WDR72: variants seen among roughly 807,000 people sequenced by gnomAD.
WDR72 encodes the protein WD repeat-containing protein 72.
Under a neutral mutation model 124.2 loss-of-function variants are expected in WDR72, and 120 were observed. The observed-to-expected ratio is 0.97, with a 90% CI of 0.83 to 1.12. The LOEUF (loss-of-function observed/expected upper bound fraction) is 1.12, where lower values mean the gene tolerates loss of function less well. Among genes scored for constraint, WDR72 ranks in the 50% most tolerant of loss-of-function variants. WDR72 has a pLI of 0.00. For missense variants in WDR72, 1,387 were observed against 1,278.8 expected, an observed-to-expected ratio of 1.08 and a Z score of -1.29; for synonymous variants, 452 against 441.7, an observed-to-expected ratio of 1.02 and a Z score of -0.29.
chr15:53,730,738 G>A (rs1417509877), intron 2 of WDR72, among the ~76,000 whole-genome samples: 7 of 151,854 alleles, frequency 4.6e-5, no homozygotes. Flanking sequence ...CTGTCCTCAA[G>A]GACTCCTTTT....
At chr15:53,552,818 G>T (rs868822560) in intron 18 of WDR72, among the ~76,000 whole-genome samples, 7 of 151,986 alleles carry the variant, frequency 4.6e-5, no homozygotes, top group African/African-American at 1.7e-4. Flanking sequence ...AGTCAACATC[G>T]AATGCCATTT....
At chr15:53,733,978 G>A (rs180910521) in intron 1 of WDR72, among the ~76,000 whole-genome samples, 74 of 152,242 alleles carry the variant, frequency 4.9e-4, no homozygotes, top group African/African-American at 1.6e-3. Context: ...AAAAATGTCC[G>A]AAAGAGAGGA....
chr15:53,562,568 G>C lies in WDR72; in HGVS notation c.3148+34511C>G, dbSNP rs967563412. On this transcript the variant is annotated intron_variant, in intron 18 of 19. Transcript: ENST00000360509. ...CTAGATTAGTTGTGATGGCTCTTAT[G>C]ATGTTACCTGCCTTCATTACAAATT... Among the ~76,000 whole-genome samples, 14 of 151,724 alleles carry C rather than the reference G, an allele frequency of 9.2e-5. 1 individual carries two copies. The highest frequency in any genetic ancestry group is 3.0e-5 in the Non-Finnish European group (2 of 67,790).
At chr15:53,717,274 A>G (rs1453162717) in intron 3 of WDR72, among the ~76,000 whole-genome samples, 1 of 152,218 alleles carries the variant, frequency 6.6e-6, no homozygotes, top group Admixed American at 6.5e-5. Context: ...GTTTTAAAAT[A>G]CAAAGTACAC....
intron 14 of WDR72, among the ~76,000 whole-genome samples, chr15:53,626,594 G>T (rs979953675): frequency 1.3e-5 from 2 of 152,190 alleles, no homozygotes; most frequent in Non-Finnish European, 2.9e-5. Context: ...GGACCCAAAG[G>T]GGGTTGCAGT....
At chr15:53,628,419 C>T (rs1414673370) in intron 14 of WDR72, among the ~76,000 whole-genome samples, 1 of 152,118 alleles carries the variant, frequency 6.6e-6, no homozygotes, top group African/African-American at 2.4e-5. Context: ...AAAAAGTTGA[C>T]ACCCATGTAT....
At chr15:53,557,167 C>T (rs1340413402) in intron 18 of WDR72, among the ~76,000 whole-genome samples, 5 of 152,060 alleles carry the variant, frequency 3.3e-5, no homozygotes, top group African/African-American at 4.8e-5. Context: ...GGAGGCCAAC[C>T]AGCAGTGCCA....
At chr15:53,586,470 C>G (rs560375987) in intron 18 of WDR72, among the ~76,000 whole-genome samples, 1 of 152,178 alleles carries the variant, frequency 6.6e-6, no homozygotes, top group African/African-American at 2.4e-5. Flanking sequence ...CCATTATTCT[C>G]ACTTCTAGTT....
At chr15:53,550,934 T>G (rs1360299598) in intron 18 of WDR72, among the ~76,000 whole-genome samples, 1 of 152,026 alleles carries the variant, frequency 6.6e-6, no homozygotes, top group Admixed American at 6.6e-5. Context: ...GATTATTAAT[T>G]AAAAAAGAAA....
At chr15:53,525,074 G>A (rs1446369569) in intron 18 of WDR72, among the ~76,000 whole-genome samples, 1 of 152,056 alleles carries the variant, frequency 6.6e-6, no homozygotes, top group East Asian at 1.9e-4. Flanking sequence ...TGGAAGGAGA[G>A]GATGTGTGGC....
intron 14 of WDR72, among the ~76,000 whole-genome samples, chr15:53,627,723 G>A (rs2014267131): frequency 6.7e-6 from 1 of 149,034 alleles, no homozygotes; most frequent in South Asian, 2.1e-4. Context: ...GACATATTGT[G>A]AACCATACTA....
chr15:53,617,221 A>T (rs2140370240), intron 14 of WDR72, among the ~76,000 whole-genome samples: 1 of 151,972 alleles, frequency 6.6e-6, no homozygotes, highest in East Asian at 1.9e-4. Context: ...GGTATTTAAA[A>T]ATTTGACACA....
chr15:53,573,718 G>T lies in WDR72; in HGVS notation c.3148+23361C>A, dbSNP rs184811116. 2.8e-3 allele frequency among the ~76,000 whole-genome samples: 420 copies of T among 152,144 alleles called. 1 individual carries two copies. Among genetic ancestry groups the T allele is most frequent in the African/African-American group, 9.6e-3 (400 of 41,546 alleles). ...GCACCACCACACCTAGCTAATTTTT[G>T]TATTTTTAGCAGAGATGGGATTTCG... On this transcript the variant is annotated intron_variant, in intron 18 of 19. Coordinates refer to ENST00000360509, the MANE Select transcript of WDR72 (RefSeq NM_182758.4).
chr15:53,604,386 T>A (rs1458669110), intron 17 of WDR72, among the ~76,000 whole-genome samples: 4 of 152,118 alleles, frequency 2.6e-5, no homozygotes, highest in Non-Finnish European at 5.9e-5. Flanking sequence ...CCCTGGAAGA[T>A]AACCTAAGCA....
At position 53,722,900 on chromosome 15, in the gene WDR72, C is replaced by T. The variant is rs545775155; in HGVS notation, c.162G>A (p.Ala54=). Residue 54 remains alanine, a synonymous_variant, in exon 3 of 20, where the codon GCG becomes GCA. Transcript: ENST00000360509. ...WNLSHELKIS[A]KELLFGHSAS... is the part of the protein sequence containing the mutation. The stretch of plus-strand genomic sequence containing the variant: ...CTGAATGACCAAATAGGAGTTCTTT[C>T]GCTGAAATCTGAAAATAATGAGAGT... 72 of 1,613,940 alleles carry T rather than the reference C, an allele frequency of 4.5e-5. No homozygotes were observed. Among genetic ancestry groups the T allele is most frequent in the Non-Finnish European group, 5.9e-5 (70 of 1,179,922 alleles).
intron 3 of WDR72, 40 bp downstream of exon 3, chr15:53,722,762 G>A (rs771200325): frequency 2.5e-6 from 4 of 1,570,828 alleles, no homozygotes; most frequent in African/African-American, 2.7e-5. Context: ...AAAAAGGGAA[G>A]GAAATGGAGA....
chr15:53,694,578 T>G (rs2016944395), intron 13 of WDR72, among the ~76,000 whole-genome samples: 1 of 152,182 alleles, frequency 6.6e-6, no homozygotes, highest in South Asian at 2.1e-4. Flanking sequence ...TCTAATTCCC[T>G]GCTTGACAGT....
intron 1 of WDR72, among the ~76,000 whole-genome samples, chr15:53,746,140 C>A (rs2018638595): frequency 6.6e-6 from 1 of 152,106 alleles, no homozygotes. Context: ...CTGGCAAGAA[C>A]AAGGAAGGAC....
chr15:53,523,697 G>GT (rs1368861384), intron 18 of WDR72, among the ~76,000 whole-genome samples: 1 of 151,982 alleles, frequency 6.6e-6, no homozygotes, highest in Non-Finnish European at 1.5e-5. Flanking sequence ...CAATTAGAAA[G>GT]ACCAGCTCTG....
Sources: allele counts gnomAD v4.1 joint callset (sites outside exome capture counted in the v4.1 genomes callset), GRCh38; gene constraint gnomAD v4.1.1; transcripts MANE v1.5; gene names NCBI Gene and HGNC (gene_info 2026-07-23, HGNC 2026-07-21).